Variants in NAB1 observed in about 807,000 individuals in gnomAD.
NAB1 encodes NGFI-A binding protein 1, also known as NGFI-A-binding protein 1.
Under a neutral mutation model 49.9 loss-of-function variants are expected in NAB1, and 25 were observed. That is an observed-to-expected ratio of 0.50 (90% CI 0.37 to 0.70). The LOEUF (loss-of-function observed/expected upper bound fraction) is 0.70, where lower values mean the gene tolerates loss of function less well. NAB1 is among the 30% of genes least tolerant of loss of function. NAB1 has a pLI of 0.00. For missense variants in NAB1, 489 were observed against 575.9 expected, an observed-to-expected ratio of 0.85 and a Z score of 1.54; for synonymous variants, 198 against 215.6, an observed-to-expected ratio of 0.92 and a Z score of 0.71.
At position 190,652,729 on chromosome 2, in the gene NAB1, A is replaced by G. The variant is rs1574411581; in HGVS notation, c.-197+2747A>G. 6.6e-6 allele frequency among the ~76,000 whole-genome samples: 1 copy of G among 152,244 alleles called. No individual in the cohort carries two copies. Among genetic ancestry groups the G allele is most frequent in the East Asian group, 1.9e-4 (1 of 5,204 alleles). Reference sequence around the variant, plus strand: ...GGTACACCACTGAATGCTTACTAATATGTGTGCCTAGGTAAATCACTGGAA... The same window carrying G: ...GGTACACCACTGAATGCTTACTAATGTGTGTGCCTAGGTAAATCACTGGAA... On this transcript the variant is annotated intron_variant, in intron 2 of 9. Transcript: ENST00000337386. The surrounding 1 kb of genome is among the most constrained non-coding windows in gnomAD (Gnocchi z 4.2).
At chr2:190,662,986 T>G (rs903581308) in intron 4 of NAB1, among the ~76,000 whole-genome samples, 45 of 152,292 alleles carry the variant, frequency 3.0e-4, no homozygotes, top group African/African-American at 1.0e-3. Context: ...AGGCTGAGTG[T>G]TTCAGAGGAG....
rs1322638988 is a variant in NAB1 at position 190,649,222 on chromosome 2, C to T, written c.-472C>T. 6.6e-6 allele frequency: 1 copy of T among 151,864 alleles called. No individual in the cohort carries two copies. Among genetic ancestry groups the T allele is most frequent in the African/African-American group, 2.4e-5 (1 of 41,386 alleles). The allele number at this position is 151,864 out of a possible 1,614,324, so 9.4% of individuals were successfully genotyped here. On this transcript the variant is annotated 5_prime_UTR_variant, in exon 1 of 10. Coordinates refer to ENST00000337386, the MANE Select transcript of NAB1 (RefSeq NM_005966.4). The surrounding 1 kb of genome is among the most constrained non-coding windows in gnomAD (Gnocchi z 6.1). ...CAGAGAGAGCGCGCCCACCACCTTC[C>T]CTTCCCCCCTCGATGGGAGCGGGGG...
rs1380593859 is a variant in NAB1 at position 190,674,335 on chromosome 2, C to A, written c.1005+1183C>A. Among the ~76,000 whole-genome samples, 1 of 152,144 alleles carries A rather than the reference C, an allele frequency of 6.6e-6. No individual in the cohort carries two copies. On this transcript the variant is annotated intron_variant, in intron 6 of 9. Coordinates refer to ENST00000337386, the MANE Select transcript of NAB1 (RefSeq NM_005966.4). This position sits in a 1 kb window ranked among gnomAD's most constrained non-coding sequence, Gnocchi z 5.7. ...CATGCCAAACTCATTTATGCCTCAA[C>A]ACTCACTGTTTTCCCCCTACCTAGA...
chr2:190,659,795 G>T lies in NAB1; in HGVS notation c.619G>T (p.Ala207Ser), dbSNP rs545451181. 3.1e-6 allele frequency: 5 copies of T among 1,614,134 alleles called. No homozygotes were observed. The highest frequency in any genetic ancestry group is 4.5e-5 in the East Asian group (2 of 44,880). Residue 207 changes from alanine (A) to serine (S), a missense_variant, in exon 4 of 10, where the codon GCC (alanine) becomes TCC (serine). Physicochemically the swap from Ala to Ser is moderately conservative, Grantham distance 99. Coordinates refer to ENST00000337386, the MANE Select transcript of NAB1 (RefSeq NM_005966.4). This position sits in a 1 kb window ranked among gnomAD's most constrained non-coding sequence, Gnocchi z 6.2. ...LSVAECVERM[A>S]PTLPKSDLNE... ...TGTGGCTGAGTGTGTGGAGCGGATG[G>T]CCCCCACACTGCCAAAAAGTGACTT...
Position 190,663,691 on chromosome 2 carries a change from C to T in NAB1, c.819+3696C>T, listed in dbSNP as rs889300104. On this transcript the variant is annotated intron_variant, in intron 4 of 9. Transcript: ENST00000337386. This position sits in a 1 kb window ranked among gnomAD's most constrained non-coding sequence, Gnocchi z 4.2. ...CTCCTCTCTTAGTTATTTTATTGTT[C>T]TTATCTAACTTAATTTGGGTGCTTA... 2.0e-5 allele frequency among the ~76,000 whole-genome samples: 3 copies of T among 152,130 alleles called. No homozygotes were observed. Among genetic ancestry groups the T allele is most frequent in the African/African-American group, 7.2e-5 (3 of 41,424 alleles).
At position 190,659,627 on chromosome 2, in the gene NAB1, G is replaced by C. The variant is rs1004607593; in HGVS notation, c.451G>C (p.Ala151Pro). ...GAAGTCAGATGTGGTTGGGAGCCTA[G>C]CACTGCAGAGTGTTGGTGAGTCCAG... ...QGKSDVVGSL[A>P]LQSVGESRLW... Residue 151 changes from alanine to proline, a missense_variant, in exon 4 of 10, where the codon GCA becomes CCA. Physicochemically the swap from Ala to Pro is conservative, Grantham distance 27. Coordinates refer to ENST00000337386, the MANE Select transcript of NAB1 (RefSeq NM_005966.4). The surrounding 1 kb of genome is among the most constrained non-coding windows in gnomAD (Gnocchi z 6.2). The C allele has an allele frequency of 6.2e-7, 1 of 1,614,156 alleles. No homozygotes were observed. Among genetic ancestry groups the C allele is most frequent in the South Asian group, 1.1e-5 (1 of 91,082 alleles).
At chr2:190,688,649 C>A (rs541299038) in intron 9 of NAB1, among the ~76,000 whole-genome samples, 1 of 152,284 alleles carries the variant, frequency 6.6e-6, no homozygotes, top group East Asian at 1.9e-4. Context: ...TGTGTCTCAT[C>A]ATGGGGCATA....
intron 5 of NAB1, among the ~76,000 whole-genome samples, chr2:190,671,076 C>T (rs1694780177): frequency 6.6e-6 from 1 of 152,198 alleles, no homozygotes; most frequent in Non-Finnish European, 1.5e-5. Context: ...CAGGATAGGA[C>T]CATTTGATTT....
rs1371756117 is a variant in NAB1 at position 190,675,174 on chromosome 2, A to G, written c.1005+2022A>G. On this transcript the variant is annotated intron_variant, in intron 6 of 9. Transcript: ENST00000337386. This position sits in a 1 kb window ranked among gnomAD's most constrained non-coding sequence, Gnocchi z 5.2. Reference sequence around the variant, plus strand: ...GATTGAGAGGAAAGAAAGCACAGAAACTACCCAGGGGCCAAAAAATTAGTT... The same window carrying G: ...GATTGAGAGGAAAGAAAGCACAGAAGCTACCCAGGGGCCAAAAAATTAGTT... 6.6e-6 allele frequency among the ~76,000 whole-genome samples: 1 copy of G among 152,224 alleles called. No individual in the cohort carries two copies.
chr2:190,691,845 G>T lies in NAB1; in HGVS notation c.*1512G>T, dbSNP rs1695948231. 1 of 152,148 alleles carries T rather than the reference G, an allele frequency of 6.6e-6. No individual in the cohort carries two copies. The highest frequency in any genetic ancestry group is 1.9e-4 in the East Asian group (1 of 5,202). 9.4% of individuals were successfully genotyped at this position (152,148 alleles called of 1,614,324 possible). On this transcript the variant is annotated 3_prime_UTR_variant, in exon 10 of 10. Coordinates refer to ENST00000337386, the MANE Select transcript of NAB1 (RefSeq NM_005966.4). The surrounding 1 kb of genome is among the most constrained non-coding windows in gnomAD (Gnocchi z 4.1). ...TAATCTGTTACACTAAAATTTGTCAGCCAAATGTTAGATGAAATGTCTGCA... is the reference window on the plus strand; with the variant it reads ...TAATCTGTTACACTAAAATTTGTCATCCAAATGTTAGATGAAATGTCTGCA...
rs755013197 is a variant in NAB1 at position 190,683,831 on chromosome 2, A to G, written c.1095+4A>G. Reference sequence around the variant, plus strand: ...ACTTGCAGCTCTTAGTTCACAGGTAACATAAACTCCCAGTTATTACTCCAT... The same window carrying G: ...ACTTGCAGCTCTTAGTTCACAGGTAGCATAAACTCCCAGTTATTACTCCAT... On this transcript the variant is annotated splice_donor_region_variant and intron_variant, in intron 7 of 9. Transcript: ENST00000337386. 1 of 1,605,940 alleles carries G rather than the reference A, an allele frequency of 6.2e-7. No individual in the cohort carries two copies. The highest frequency in any genetic ancestry group is 1.3e-5 in the African/African-American group (1 of 74,828).
rs1339022408 is a variant in NAB1, at chr2:190,678,018, T to C, written c.1005+4866T>C. ...CCAAGAAATGTTATGTAGTAAACAG[T>C]TACAAGTTTTGAGTAGAAAATTTAA... On this transcript the variant is annotated intron_variant, in intron 6 of 9. Coordinates refer to ENST00000337386, the MANE Select transcript of NAB1 (RefSeq NM_005966.4). This position sits in a 1 kb window ranked among gnomAD's most constrained non-coding sequence, Gnocchi z 4.9. 6.6e-6 allele frequency among the ~76,000 whole-genome samples: 1 copy of C among 152,256 alleles called. No homozygotes were observed. Among genetic ancestry groups the C allele is most frequent in the African/African-American group, 2.4e-5 (1 of 41,460 alleles).
At position 190,677,020 on chromosome 2, in the gene NAB1, T is replaced by C. The variant is rs192570815; in HGVS notation, c.1005+3868T>C. ...ATGCATTAGGGTACACTAATACAAGTAGTGCTGTGTTCAAGCTCAGTAAGA... is the reference window on the plus strand; with the variant it reads ...ATGCATTAGGGTACACTAATACAAGCAGTGCTGTGTTCAAGCTCAGTAAGA... On this transcript the variant is annotated intron_variant, in intron 6 of 9. Coordinates refer to ENST00000337386, the MANE Select transcript of NAB1 (RefSeq NM_005966.4). This position sits in a 1 kb window ranked among gnomAD's most constrained non-coding sequence, Gnocchi z 5.6. The C allele has an allele frequency of 1.3e-5, 2 of 152,308 alleles. No homozygotes were observed. The highest frequency in any genetic ancestry group is 6.5e-5 in the Admixed American group (1 of 15,298). 9.4% of individuals were successfully genotyped at this position (152,308 alleles called of 1,614,324 possible). A position where few individuals can be genotyped will look rare whatever the true frequency, so the allele number is the denominator to read the frequency against.
At position 190,689,843 on chromosome 2, in the gene NAB1, C is replaced by A. The variant is rs973443119; in HGVS notation, c.1376-402C>A. Among the ~76,000 whole-genome samples, 1 of 151,610 alleles carries A rather than the reference C, an allele frequency of 6.6e-6. No individual in the cohort carries two copies. The highest frequency in any genetic ancestry group is 1.5e-5 in the Non-Finnish European group (1 of 67,838). On this transcript the variant is annotated intron_variant, in intron 9 of 9. Coordinates refer to ENST00000337386, the MANE Select transcript of NAB1 (RefSeq NM_005966.4). The surrounding 1 kb of genome is among the most constrained non-coding windows in gnomAD (Gnocchi z 4.3). ...AATCAGCTTCCTTTTATATATTTATCATGTTGGATCAAGCATTAAATAAAA... is the reference window on the plus strand; with the variant it reads ...AATCAGCTTCCTTTTATATATTTATAATGTTGGATCAAGCATTAAATAAAA...
In NAB1 at chr2:190,683,816, C is replaced by A. The variant is rs1261847850; in HGVS notation, c.1084C>A (p.Leu362Ile). 1.2e-6 allele frequency: 2 copies of A among 1,612,854 alleles called. No homozygotes were observed. Residue 362 changes from leucine to isoleucine, a missense_variant, in exon 7 of 10, where the codon CTT becomes ATT. By Grantham distance (5) the Leu-to-Ile change is conservative (BLOSUM62 2). This residue lies in a region of NAB1 where 212 missense variants were observed against 199.3 expected (regional missense o/e 1.06). Coordinates refer to ENST00000337386, the MANE Select transcript of NAB1 (RefSeq NM_005966.4). ...AGCTAAGAGTGAAGAACTTGCAGCT[C>A]TTAGTTCACAGGTAACATAAACTCC... ...ARAKSEELAALSSQQPEKVMA... is the reference protein window; with the variant it reads ...ARAKSEELAAISSQQPEKVMA...
Position 190,652,199 on chromosome 2 carries a change from CAA to C in NAB1, c.-197+2219_-197+2220del, listed in dbSNP as rs1252618827. 1.3e-5 allele frequency among the ~76,000 whole-genome samples: 2 copies of C among 152,126 alleles called. No individual in the cohort carries two copies. The highest frequency in any genetic ancestry group is 2.9e-5 in the Non-Finnish European group (2 of 68,008). ...CAGCTAAAACATGCCATTAAGCTTT[CAA>C]AGAGTTTGTCATTTCTCAATACATT... On this transcript the variant is annotated intron_variant, in intron 2 of 9. Transcript: ENST00000337386. The surrounding 1 kb of genome is among the most constrained non-coding windows in gnomAD (Gnocchi z 4.2).
In NAB1 at chr2:190,657,299, C is replaced by G. The variant is rs1693974097; in HGVS notation, c.-20+1146C>G. Reference sequence around the variant, plus strand: ...CCTCCTTTAGGTGATTTAGAAGATGCAAGAACGTTTTTATCCAGAGGACTG... The same window carrying G: ...CCTCCTTTAGGTGATTTAGAAGATGGAAGAACGTTTTTATCCAGAGGACTG... On this transcript the variant is annotated intron_variant, in intron 3 of 9. Transcript: ENST00000337386. The surrounding 1 kb of genome is among the most constrained non-coding windows in gnomAD (Gnocchi z 4.4). 6.6e-6 allele frequency among the ~76,000 whole-genome samples: 1 copy of G among 152,090 alleles called. No individual in the cohort carries two copies. The highest frequency in any genetic ancestry group is 6.6e-5 in the Admixed American group (1 of 15,250).
In NAB1 at chr2:190,672,035, A is replaced by G. The variant is rs375348255; in HGVS notation, c.954-1066A>G. Among the ~76,000 whole-genome samples, 3 of 152,016 alleles carry G rather than the reference A, an allele frequency of 2.0e-5. No homozygotes were observed. The East Asian group carries it at 5.8e-4, about 29-fold the overall frequency. On this transcript the variant is annotated intron_variant, in intron 5 of 9. Coordinates refer to ENST00000337386, the MANE Select transcript of NAB1 (RefSeq NM_005966.4). ...GTAATCCACCCACCTTGGCCTCCCA[A>G]AGTGCTGGGATTACAGGCGTGAGCC...
In NAB1 at chr2:190,680,289, C is replaced by T. The variant is rs1350195276; in HGVS notation, c.1006-3449C>T. ...TCTTAACATAGCTTACAAGGGCTTA[C>T]AGAATCTGGCCCTGTGTTTCCACCT... On this transcript the variant is annotated intron_variant, in intron 6 of 9. Coordinates refer to ENST00000337386, the MANE Select transcript of NAB1 (RefSeq NM_005966.4). The surrounding 1 kb of genome is among the most constrained non-coding windows in gnomAD (Gnocchi z 5.2). Among the ~76,000 whole-genome samples the T allele has an allele frequency of 2.6e-5, 4 of 152,228 alleles. No individual in the cohort carries two copies. The highest frequency in any genetic ancestry group is 1.9e-4 in the East Asian group (1 of 5,200).
Sources: allele counts gnomAD v4.1 joint callset (sites outside exome capture counted in the v4.1 genomes callset), GRCh38; gene constraint gnomAD v4.1.1; regional missense constraint gnomAD v4.1.1; non-coding constraint Gnocchi (gnomAD v3.1); transcripts MANE v1.5; gene names NCBI Gene and HGNC (gene_info 2026-07-23, HGNC 2026-07-21).